DRD2: variants seen among roughly 807,000 people sequenced by gnomAD.
DRD2 encodes dopamine receptor D2, also known as D(2) dopamine receptor.
A neutral mutation model predicts 38.0 loss-of-function variants in DRD2; 8 were observed. The ratio of observed to expected loss-of-function variants is 0.21; its 90% confidence interval spans 0.12 to 0.38. The LOEUF (loss-of-function observed/expected upper bound fraction) is 0.38. DRD2 is among the 10% of genes least tolerant of loss of function. The pLI is 1.00. For missense variants in DRD2, 403 were observed against 607.7 expected, an observed-to-expected ratio of 0.66 and a Z score of 3.54; for synonymous variants, 230 against 238.6, an observed-to-expected ratio of 0.96 and a Z score of 0.33.
In DRD2 at chr11:113,456,958, C is replaced by T. The variant is rs571602161; in HGVS notation, c.-32+18118G>A. Among the ~76,000 whole-genome samples, 3 of 152,250 alleles carry T rather than the reference C, an allele frequency of 2.0e-5. No homozygotes were observed. The South Asian group carries it at 6.2e-4, about 32-fold the overall frequency. The stretch of plus-strand genomic sequence containing the variant: ...TGATCCCCAATGGAATTCACATGCA[C>T]ACATCCGACCTGCAGCAAAAAGGAA... On this transcript the variant is annotated intron_variant, in intron 1 of 7. Coordinates refer to ENST00000362072, the MANE Select transcript of DRD2 (RefSeq NM_000795.4).
chr11:113,440,167 C>T (rs1480536787), intron 1 of DRD2, among the ~76,000 whole-genome samples: 1 of 152,182 alleles, frequency 6.6e-6, no homozygotes, highest in Non-Finnish European at 1.5e-5. Flanking sequence ...GCTCGCCTCG[C>T]CCAGATACCT....
intron 1 of DRD2, among the ~76,000 whole-genome samples, chr11:113,451,019 A>G (rs1951205419): frequency 6.6e-6 from 1 of 152,164 alleles, no homozygotes; most frequent in African/African-American, 2.4e-5. Context: ...CAGGCAATCA[A>G]TGGAGATTTA....
At position 113,412,615 on chromosome 11, in the gene DRD2, C is replaced by T. The variant is rs138873192; in HGVS notation, c.1079G>A (p.Arg360His). 630 of 1,614,020 alleles carry T rather than the reference C, an allele frequency of 3.9e-4. 1 individual carries two copies. The highest frequency in any genetic ancestry group is 5.1e-4 in the Non-Finnish European group (607 of 1,180,040). ...KTRTSLKTMS[R>H]RKLSQQKEKK... ...CTCCTTCTGCTGGGAGAGCTTCCTA[C>T]GGCTCATGGTCTTGAGGGAGGTCCG... Residue 360 changes from arginine to histidine, a missense_variant, in exon 7 of 8, where the codon CGT becomes CAT. Arg to His is a conservative substitution (Grantham distance 29, BLOSUM62 0). Transcript: ENST00000362072.
intron 1 of DRD2, among the ~76,000 whole-genome samples, chr11:113,469,602 G>A (rs887689539): frequency 6.6e-6 from 1 of 152,246 alleles, no homozygotes. Context: ...GGGTTACTCT[G>A]AGGCAGGAGG....
chr11:113,473,643 A>G (rs1461356895), intron 1 of DRD2, among the ~76,000 whole-genome samples: 1 of 152,170 alleles, frequency 6.6e-6, no homozygotes, highest in Non-Finnish European at 1.5e-5. Flanking sequence ...AGATGGCATC[A>G]AAACCCCCTG....
rs571728486 is a variant in DRD2, at chr11:113,435,028, C to T, written c.-31-10346G>A. 6.6e-5 allele frequency among the ~76,000 whole-genome samples: 10 copies of T among 152,336 alleles called. No individual in the cohort carries two copies. In the South Asian group the frequency reaches 1.2e-3, roughly 19 times the overall value. On this transcript the variant is annotated intron_variant, in intron 1 of 7. Coordinates refer to ENST00000362072, the MANE Select transcript of DRD2 (RefSeq NM_000795.4). ...CCAGGGCTCTCATCCCAGACAACCC[C>T]GCTCTCTGCTTCTTCCCAAGGTGGC...
At chr11:113,448,638 C>A (rs1407672552) in intron 1 of DRD2, among the ~76,000 whole-genome samples, 1 of 152,232 alleles carries the variant, frequency 6.6e-6, no homozygotes, top group African/African-American at 2.4e-5. Flanking sequence ...TGTTCACTGT[C>A]CTCATCCAAG....
chr11:113,441,380 G>A (rs2119856696), intron 1 of DRD2, among the ~76,000 whole-genome samples: 1 of 152,266 alleles, frequency 6.6e-6, no homozygotes, highest in East Asian at 1.9e-4. Flanking sequence ...TCATGCCCAG[G>A]GACTGCAAAC....
At chr11:113,473,699 G>T (rs570929478) in intron 1 of DRD2, among the ~76,000 whole-genome samples, 24 of 152,322 alleles carry the variant, frequency 1.6e-4, no homozygotes, top group African/African-American at 5.5e-4. Flanking sequence ...GGAAGTCCAA[G>T]GCAGGGACTG....
intron 1 of DRD2, among the ~76,000 whole-genome samples, chr11:113,425,871 G>C (rs2138182503): frequency 6.6e-6 from 1 of 152,164 alleles, no homozygotes; most frequent in Non-Finnish European, 1.5e-5. Flanking sequence ...ATTCTGTTTG[G>C]CCAAAAATGT....
At chr11:113,471,716 G>T (rs1243413251) in intron 1 of DRD2, among the ~76,000 whole-genome samples, 1 of 152,196 alleles carries the variant, frequency 6.6e-6, no homozygotes, top group Non-Finnish European at 1.5e-5. Context: ...CTGTTTAGGA[G>T]AACTTTAATA....
At chr11:113,464,225 T>C (rs1357362410) in intron 1 of DRD2, among the ~76,000 whole-genome samples, 1 of 152,152 alleles carries the variant, frequency 6.6e-6, no homozygotes, top group African/African-American at 2.4e-5. Context: ...TGAGAAGACC[T>C]ACACTGGAGG....
At chr11:113,447,270 C>T (rs1951159905) in intron 1 of DRD2, among the ~76,000 whole-genome samples, 1 of 152,170 alleles carries the variant, frequency 6.6e-6, no homozygotes, top group Non-Finnish European at 1.5e-5. Flanking sequence ...ATTGCTCAGG[C>T]TCCGTGATGT....
chr11:113,434,778 C>G (rs1278079765), intron 1 of DRD2, among the ~76,000 whole-genome samples: 3 of 142,330 alleles, frequency 2.1e-5, no homozygotes, highest in South Asian at 4.2e-4. Flanking sequence ...AGGGAGCCAT[C>G]CCCCCCCATC....
intron 1 of DRD2, among the ~76,000 whole-genome samples, chr11:113,427,987 G>A (rs1175848205): frequency 6.6e-6 from 1 of 152,194 alleles, no homozygotes; most frequent in Non-Finnish European, 1.5e-5. Context: ...AAGTGGGAAT[G>A]CAGCAAGAAG....
At chr11:113,440,887 C>T (rs1951084158) in intron 1 of DRD2, among the ~76,000 whole-genome samples, 1 of 152,210 alleles carries the variant, frequency 6.6e-6, no homozygotes, top group Non-Finnish European at 1.5e-5. Context: ...CACAGATGAG[C>T]TAAGTTTTCT....
At chr11:113,457,284 G>T (rs1336980705) in intron 1 of DRD2, among the ~76,000 whole-genome samples, 1 of 152,152 alleles carries the variant, frequency 6.6e-6, no homozygotes, top group African/African-American at 2.4e-5. Flanking sequence ...TAGTACAGAT[G>T]TCACTTTACT....
At chr11:113,463,193 A>G (rs1951338956) in intron 1 of DRD2, among the ~76,000 whole-genome samples, 1 of 152,242 alleles carries the variant, frequency 6.6e-6, no homozygotes, top group Non-Finnish European at 1.5e-5. Flanking sequence ...GCAGTGGAGT[A>G]TAGCTGAATA....
At chr11:113,464,447 C>T (rs1033336564) in intron 1 of DRD2, among the ~76,000 whole-genome samples, 2 of 152,198 alleles carry the variant, frequency 1.3e-5, no homozygotes, top group African/African-American at 2.4e-5. Flanking sequence ...TCCATACATT[C>T]CTGGTCACTT....
Sources: allele counts gnomAD v4.1 joint callset (sites outside exome capture counted in the v4.1 genomes callset), GRCh38; gene constraint gnomAD v4.1.1; transcripts MANE v1.5; gene names NCBI Gene and HGNC (gene_info 2026-07-23, HGNC 2026-07-21).